Variants in UNC5C observed in about 807,000 individuals in gnomAD.
UNC5C encodes the protein netrin receptor UNC5C.
Under a neutral mutation model 99.8 loss-of-function variants are expected in UNC5C, and 47 were observed. The observed-to-expected ratio is 0.47, with a 90% CI of 0.37 to 0.60. The LOEUF is 0.60. UNC5C is among the 20% of genes least tolerant of loss of function. The probability of loss-of-function intolerance (pLI) is 0.00; values close to 1 mark genes in which losing one functional copy is unlikely to be tolerated. For missense variants in UNC5C, 1,062 were observed against 1,165.9 expected, an observed-to-expected ratio of 0.91 and a Z score of 1.30; for synonymous variants, 487 against 452.2, an observed-to-expected ratio of 1.08 and a Z score of -0.98.
chr4:95,518,464 T>C (rs7668120), intron 1 of UNC5C, among the ~76,000 whole-genome samples: 46,472 of 152,086 alleles, frequency 0.31, 7,487 homozygotes, highest in Non-Finnish European at 0.35. Flanking sequence ...CTGCAAAATA[T>C]AGTCAAAATA....
At position 95,335,443 on chromosome 4, in the gene UNC5C, G is replaced by C; in HGVS notation, c.313C>G (p.His105Asp). 1.2e-6 allele frequency: 2 copies of C among 1,612,110 alleles called. No homozygotes were observed. The highest frequency in any genetic ancestry group is 1.7e-6 in the Non-Finnish European group (2 of 1,178,714). ...CNSEWVHQKD[H>D]IVDERVDETS... ...TCATCTACTCTTTCATCTACTATGT[G>C]GTCCTTCTGATGAACCCATTCACTA... is the stretch of plus-strand genomic sequence containing the variant. The change falls in exon 2 of 16, where the codon CAC (histidine) becomes GAC (aspartate). Residue 105 changes from histidine (H) to aspartate (D), a missense_variant. Physicochemically the swap from His to Asp is moderately conservative, Grantham distance 81 (BLOSUM62 -1). Transcript: ENST00000453304.
At chr4:95,341,221 G>A (rs904596213) in intron 1 of UNC5C, among the ~76,000 whole-genome samples, 5 of 151,966 alleles carry the variant, frequency 3.3e-5, no homozygotes, top group African/African-American at 1.2e-4. Flanking sequence ...TTTGTCTAAA[G>A]AATACATGAT....
intron 10 of UNC5C, among the ~76,000 whole-genome samples, chr4:95,207,665 G>T (rs1401448441): frequency 6.6e-6 from 1 of 152,100 alleles, no homozygotes; most frequent in Admixed American, 6.5e-5. Context: ...TCAATCAGAA[G>T]AGCATAGCTT....
chr4:95,179,292 A>G (rs1736505116), intron 14 of UNC5C, among the ~76,000 whole-genome samples: 1 of 152,234 alleles, frequency 6.6e-6, no homozygotes, highest in Non-Finnish European at 1.5e-5. Context: ...AAACAGATGA[A>G]ATGGCTGTAG....
intron 1 of UNC5C, among the ~76,000 whole-genome samples, chr4:95,501,169 C>T (rs759900045): frequency 8.5e-5 from 13 of 152,124 alleles, no homozygotes; most frequent in East Asian, 1.9e-4. Context: ...GCTTTATAGA[C>T]GCAATAAATA....
chr4:95,168,993 T>C lies in UNC5C; in HGVS notation c.*241A>G. Reference sequence around the variant, plus strand: ...CATACAGCCCAACTAAGAGGAAAATTAGGTTGATAGCTAAATTCAAGGTAC... The same window carrying C: ...CATACAGCCCAACTAAGAGGAAAATCAGGTTGATAGCTAAATTCAAGGTAC... On this transcript the variant is annotated 3_prime_UTR_variant, in exon 16 of 16. Coordinates refer to ENST00000453304, the MANE Select transcript of UNC5C (RefSeq NM_003728.4). 2 of 499,834 alleles carry C rather than the reference T, an allele frequency of 4.0e-6. No homozygotes were observed. The highest frequency in any genetic ancestry group is 7.1e-6 in the Non-Finnish European group (2 of 281,070). The allele number at this position is 499,834 out of a possible 1,614,324, so 31.0% of individuals were successfully genotyped here. A position where few individuals can be genotyped will look rare whatever the true frequency, so the allele number is the denominator to read the frequency against.
chr4:95,541,805 G>T (rs1316839901), intron 1 of UNC5C, among the ~76,000 whole-genome samples: 3 of 152,042 alleles, frequency 2.0e-5, no homozygotes, highest in African/African-American at 4.8e-5. Flanking sequence ...ATATAAGGTG[G>T]TTCTTCTGAA....
chr4:95,420,844 AG>A (rs1227525489), intron 1 of UNC5C, among the ~76,000 whole-genome samples: 1 of 152,196 alleles, frequency 6.6e-6, no homozygotes, highest in Non-Finnish European at 1.5e-5. Context: ...AATGAAGAAA[AG>A]TTTCCACTAA....
chr4:95,354,480 T>TATATATA (rs760696053), intron 1 of UNC5C, among the ~76,000 whole-genome samples: 3 of 105,652 alleles, frequency 2.8e-5, no homozygotes, highest in African/African-American at 1.2e-4. Flanking sequence ...TATATATATA[T>TATATATA]TTTTTTTTTT....
chr4:95,474,787 C>T (rs1578183247), intron 1 of UNC5C, among the ~76,000 whole-genome samples: 2 of 152,148 alleles, frequency 1.3e-5, no homozygotes, highest in South Asian at 2.1e-4. Context: ...CATTATTCAT[C>T]CAGCACATAG....
chr4:95,391,482 T>A (rs980780196), intron 1 of UNC5C, among the ~76,000 whole-genome samples: 1 of 152,164 alleles, frequency 6.6e-6, no homozygotes, highest in Non-Finnish European at 1.5e-5. Context: ...GAAATTATGC[T>A]GAATAATTTT....
At chr4:95,423,095 T>G (rs1304835070) in intron 1 of UNC5C, among the ~76,000 whole-genome samples, 3 of 152,216 alleles carry the variant, frequency 2.0e-5, no homozygotes, top group African/African-American at 7.2e-5. Context: ...CCTTTATTAA[T>G]GCAGACAAAT....
chr4:95,179,209 T>C (rs778026265), intron 14 of UNC5C, among the ~76,000 whole-genome samples: 1 of 152,236 alleles, frequency 6.6e-6, no homozygotes, highest in South Asian at 2.1e-4. Context: ...ATTTGGACTT[T>C]TCCTAAAGTC....
At chr4:95,313,471 A>G (rs1742346654) in intron 2 of UNC5C, among the ~76,000 whole-genome samples, 2 of 152,174 alleles carry the variant, frequency 1.3e-5, no homozygotes, top group African/African-American at 2.4e-5. Flanking sequence ...ATCTTACATC[A>G]AGTCATTAAT....
intron 1 of UNC5C, among the ~76,000 whole-genome samples, chr4:95,476,974 C>T (rs1018607275): frequency 2.6e-5 from 4 of 151,974 alleles, no homozygotes; most frequent in African/African-American, 9.7e-5. Flanking sequence ...TGGACATATC[C>T]AGAATCTGAA....
chr4:95,266,852 A>G (rs1393621220), intron 4 of UNC5C, among the ~76,000 whole-genome samples: 1 of 152,226 alleles, frequency 6.6e-6, no homozygotes, highest in Non-Finnish European at 1.5e-5. Flanking sequence ...CCAGTGGATT[A>G]TCCATTTATA....
chr4:95,402,811 T>C (rs570021897), intron 1 of UNC5C, among the ~76,000 whole-genome samples: 2 of 152,298 alleles, frequency 1.3e-5, no homozygotes, highest in African/African-American at 4.8e-5. Flanking sequence ...TCCTAGTTCC[T>C]TGGCAGCAAT....
intron 4 of UNC5C, among the ~76,000 whole-genome samples, chr4:95,258,754 T>C (rs867338173): frequency 3.6e-5 from 4 of 111,956 alleles, no homozygotes; most frequent in African/African-American, 8.9e-5. Flanking sequence ...TTCTTTTTTT[T>C]TTTTTTTTTT....
chr4:95,162,643 GA>G lies in UNC5C; in HGVS notation c.*6590del, dbSNP rs1445755873. 1 of 152,110 alleles carries G rather than the reference GA, an allele frequency of 6.6e-6. No homozygotes were observed. The highest frequency in any genetic ancestry group is 1.5e-5 in the Non-Finnish European group (1 of 68,038). The allele number at this position is 152,110 out of a possible 1,614,324, so 9.4% of individuals were successfully genotyped here. A position where few individuals can be genotyped will look rare whatever the true frequency, so the allele number is the denominator to read the frequency against. ...AAATCAGGATTGGCAGCCAGGGAGA[GA>G]AAAGAGGCACACCCGGAGCTGGTAT... is the stretch of plus-strand genomic sequence containing the variant. On this transcript the variant is annotated 3_prime_UTR_variant, in exon 16 of 16. Coordinates refer to ENST00000453304, the MANE Select transcript of UNC5C (RefSeq NM_003728.4).
Sources: allele counts gnomAD v4.1 joint callset (sites outside exome capture counted in the v4.1 genomes callset), GRCh38; gene constraint gnomAD v4.1.1; transcripts MANE v1.5; gene names NCBI Gene and HGNC (gene_info 2026-07-23, HGNC 2026-07-21).